NYAP2: variants seen among roughly 807,000 people sequenced by gnomAD.
NYAP2 encodes the protein neuronal tyrosine-phosphorylated phosphoinositide-3-kinase adaptor 2, also known as neuronal tyrosine-phosphorylated phosphoinositide-3-kinase adapter 2.
NYAP2 carries 23 observed loss-of-function variants against 50.4 expected under a neutral mutation model. The observed-to-expected ratio is 0.46, with a 90% CI of 0.33 to 0.65. The LOEUF is 0.65. Ranked by LOEUF, NYAP2 falls within the 30% of genes least tolerant of loss-of-function variation. The pLI, the probability that NYAP2 is intolerant of heterozygous loss-of-function variation, is 0.02. For missense variants in NYAP2, 885 were observed against 861.0 expected (o/e 1.03, Z -0.35); for synonymous variants, 394 against 365.2 (o/e 1.08, Z -0.90).
chr2:225,603,799 G>A (rs1456271334), intron 5 of NYAP2, among the ~76,000 whole-genome samples: 3 of 152,080 alleles, frequency 2.0e-5, no homozygotes, highest in African/African-American at 4.8e-5. Context: ...ATATTGTATT[G>A]AAAATAGGCT....
intron 4 of NYAP2, among the ~76,000 whole-genome samples, chr2:225,532,404 A>G (rs529784813): frequency 2.0e-5 from 3 of 152,176 alleles, no homozygotes; most frequent in African/African-American, 7.2e-5. Flanking sequence ...ATTGCTATCT[A>G]TGATTTTTCT....
At chr2:225,451,011 G>A (rs140612997) in intron 3 of NYAP2, among the ~76,000 whole-genome samples, 4 of 152,250 alleles carry the variant, frequency 2.6e-5, no homozygotes, top group African/African-American at 9.6e-5. Context: ...AAACAGAGGT[G>A]CCATTGTCAT....
intron 3 of NYAP2, among the ~76,000 whole-genome samples, chr2:225,421,914 A>G (rs1457288207): frequency 1.3e-5 from 2 of 152,210 alleles, no homozygotes; most frequent in Non-Finnish European, 2.9e-5. Context: ...CATTTCTAGA[A>G]ATCAATTATT....
chr2:225,413,082 C>T (rs923519150), intron 3 of NYAP2, among the ~76,000 whole-genome samples: 1 of 152,130 alleles, frequency 6.6e-6, no homozygotes, highest in African/African-American at 2.4e-5. Flanking sequence ...TAAAACCTTC[C>T]TTTCTTTCCT....
At chr2:225,649,981 A>T (rs1021965093) in intron 6 of NYAP2, among the ~76,000 whole-genome samples, 1 of 152,172 alleles carries the variant, frequency 6.6e-6, no homozygotes, top group Non-Finnish European at 1.5e-5. Flanking sequence ...ACACTATTTT[A>T]TTTGCCAAGA....
intron 3 of NYAP2, among the ~76,000 whole-genome samples, chr2:225,477,887 T>C (rs140295273): frequency 2.8e-4 from 42 of 151,412 alleles, no homozygotes; most frequent in Middle Eastern, 3.4e-3. Context: ...AAAATGGGAG[T>C]TGGAATTGCT....
chr2:225,463,715 T>C (rs1689871238), intron 3 of NYAP2, among the ~76,000 whole-genome samples: 1 of 152,264 alleles, frequency 6.6e-6, no homozygotes, highest in Non-Finnish European at 1.5e-5. Context: ...CTTTATATGC[T>C]ACCAGAAAAT....
In NYAP2 at chr2:225,401,767, A is replaced by C. The variant is rs867026180; in HGVS notation, c.-18+724A>C. Among the ~76,000 whole-genome samples the C allele has an allele frequency of 4.6e-5, 7 of 152,174 alleles. 1 individual carries two copies. Among genetic ancestry groups the C allele is most frequent in the Middle Eastern group, 3.4e-3 (1 of 294 alleles). On this transcript the variant is annotated intron_variant, in intron 2 of 6. Transcript: ENST00000636099. The stretch of plus-strand genomic sequence containing the variant: ...TGAGTATTTCATATCTGGAAAAACT[A>C]TTACATAAAATAATATTTTTCACTA...
intron 3 of NYAP2, among the ~76,000 whole-genome samples, chr2:225,507,249 G>A (rs1208987852): frequency 6.6e-6 from 1 of 152,064 alleles, no homozygotes; most frequent in Non-Finnish European, 1.5e-5. Context: ...ACAAAATATT[G>A]ACATGTTTGC....
intron 2 of NYAP2, among the ~76,000 whole-genome samples, chr2:225,401,532 C>T (rs1017598458): frequency 2.6e-5 from 4 of 152,024 alleles, no homozygotes; most frequent in African/African-American, 4.8e-5. Flanking sequence ...GCCGACACTG[C>T]TTCTTCCTGA....
chr2:225,491,560 G>T (rs1481191260), intron 3 of NYAP2, among the ~76,000 whole-genome samples: 1 of 152,102 alleles, frequency 6.6e-6, no homozygotes, highest in Non-Finnish European at 1.5e-5. Context: ...TATCTCTATA[G>T]TTTTTACTAC....
At chr2:225,552,095 G>A (rs1463195585) in intron 4 of NYAP2, among the ~76,000 whole-genome samples, 1 of 152,136 alleles carries the variant, frequency 6.6e-6, no homozygotes, top group Admixed American at 6.5e-5. Context: ...TTACAGGTGC[G>A]AGCCACTGCA....
chr2:225,565,514 G>T (rs73089052), intron 4 of NYAP2, among the ~76,000 whole-genome samples: 5,897 of 152,208 alleles, frequency 0.039, 401 homozygotes, highest in African/African-American at 0.13. Context: ...AGAGCTGGTA[G>T]ATTCTTTGGT....
chr2:225,601,810 A>G (rs1480671938), intron 5 of NYAP2, among the ~76,000 whole-genome samples: 1 of 152,104 alleles, frequency 6.6e-6, no homozygotes. Context: ...ATATAATATG[A>G]TTTGGAAATA....
At chr2:225,564,396 C>A (rs1267972618) in intron 4 of NYAP2, among the ~76,000 whole-genome samples, 1 of 151,600 alleles carries the variant, frequency 6.6e-6, no homozygotes, top group Non-Finnish European at 1.5e-5. Flanking sequence ...CCCCTAAGAG[C>A]TCAGAACCAA....
At chr2:225,680,364 G>T in the NYAP2 span, among the ~76,000 whole-genome samples, 1 of 151,740 alleles carries the variant, frequency 6.6e-6, no homozygotes, top group African/African-American at 2.4e-5. Context: ...CTTACACATA[G>T]AAAGGGGTTG....
chr2:225,401,935 T>C (rs1694869951), intron 2 of NYAP2, among the ~76,000 whole-genome samples: 1 of 152,020 alleles, frequency 6.6e-6, no homozygotes, highest in Admixed American at 6.6e-5. Context: ...AACCAAGTAG[T>C]GTGGAATAAC....
intron 4 of NYAP2, among the ~76,000 whole-genome samples, chr2:225,554,956 A>G (rs1267581456): frequency 1.3e-5 from 2 of 152,154 alleles, no homozygotes; most frequent in Non-Finnish European, 2.9e-5. Flanking sequence ...TAATGAAAAG[A>G]TTATTGGAAT....
At chr2:225,670,573 G>C in the NYAP2 span, among the ~76,000 whole-genome samples, 1 of 139,054 alleles carries the variant, frequency 7.2e-6, no homozygotes, top group African/African-American at 2.7e-5. Flanking sequence ...ATTAGTTTAT[G>C]TCCTTCCTGG....
Sources: gnomAD v4.1 joint callset for allele counts (sites outside exome capture counted in the v4.1 genomes callset) on GRCh38, gnomAD v4.1.1 for gene constraint, MANE v1.5 for transcripts, NCBI Gene and HGNC (gene_info 2026-07-23, HGNC 2026-07-21) for gene names.